MSANTD7: variants seen among roughly 807,000 people sequenced by gnomAD.
The protein encoded by MSANTD7 is Myb/SANT DNA binding domain containing 7, also known as zinc finger and SCAN domain containing 29.
At chr10:14,844,680 G>A in the MSANTD7 span, 3 of 975,192 alleles carry the variant, frequency 3.1e-6, no homozygotes, top group Non-Finnish European at 3.7e-6. Context: ...GGTTTATATC[G>A]ATAATCTTCA....
chr10:14,843,416 T>C, the MSANTD7 span: 1 of 1,550,882 alleles, frequency 6.4e-7, no homozygotes, highest in Non-Finnish European at 8.7e-7. Context: ...CACAGCCTTT[T>C]CAGAGGTGCA....
chr10:14,839,806 GT>G, the MSANTD7 span: 1 of 755,266 alleles, frequency 1.3e-6, no homozygotes, highest in Non-Finnish European at 2.1e-6. Flanking sequence ...TGAGATAGCA[GT>G]TTTTCTTTCC....
the MSANTD7 span, chr10:14,838,352 G>A: frequency 6.5e-7 from 1 of 1,549,416 alleles, no homozygotes. Flanking sequence ...GCCGGTAGCT[G>A]TTGCTGTTGG....
chr10:14,838,478 G>A, the MSANTD7 span: 7 of 1,589,904 alleles, frequency 4.4e-6, no homozygotes, highest in Non-Finnish European at 6.0e-6. Flanking sequence ...CTGCGGAGCT[G>A]GGCTAGGGCT....
chr10:14,844,384 A>G, the MSANTD7 span: 1 of 999,834 alleles, frequency 1.0e-6, no homozygotes, highest in South Asian at 4.2e-5. Context: ...GTATGGATAT[A>G]TACTGTGACT....
At chr10:14,841,557 A>T in the MSANTD7 span, among the ~76,000 whole-genome samples, 2 of 152,192 alleles carry the variant, frequency 1.3e-5, no homozygotes, top group Non-Finnish European at 2.9e-5. Flanking sequence ...TATAGTCCAG[A>T]TACAGAACAT....
the MSANTD7 span, chr10:14,846,038 T>C: frequency 1.9e-5 from 18 of 961,766 alleles, no homozygotes; most frequent in Non-Finnish European, 2.2e-5. Context: ...GAAATACTGG[T>C]AACAATTTTA....
chr10:14,843,634 G>C, the MSANTD7 span: 5 of 1,550,384 alleles, frequency 3.2e-6, no homozygotes, highest in East Asian at 2.4e-5. Flanking sequence ...AAGGCGGTCA[G>C]TGGCCAGGAC....
the MSANTD7 span, chr10:14,844,528 A>G: frequency 2.0e-6 from 2 of 987,168 alleles, no homozygotes; most frequent in Non-Finnish European, 2.4e-6. Flanking sequence ...AATCTCTTAC[A>G]TTTCCACTGC....
chr10:14,844,091 A>G, the MSANTD7 span: 5 of 1,409,756 alleles, frequency 3.5e-6, no homozygotes, highest in Non-Finnish European at 4.6e-6. Context: ...CAGAAATGCC[A>G]GGGGTGACCT....
the MSANTD7 span, chr10:14,843,459 A>T: frequency 6.4e-7 from 1 of 1,550,628 alleles, no homozygotes; most frequent in South Asian, 1.2e-5. Context: ...CCATGGCCAG[A>T]CTGGGTGTGT....
At chr10:14,843,604 CCAAGGTGGG>C in the MSANTD7 span, 1 of 1,550,506 alleles carries the variant, frequency 6.4e-7, no homozygotes, top group Non-Finnish European at 8.7e-7. Context: ...TGAGCCCCCT[CCAAGGTGGG>C]CAAGGCGAAG....
chr10:14,846,050 G>A, the MSANTD7 span: 1,231 of 971,708 alleles, frequency 1.3e-3, 13 homozygotes, highest in African/African-American at 0.02. Flanking sequence ...ACAATTTTAA[G>A]GTAGCATTCT....
chr10:14,846,930 A>G, the MSANTD7 span: 14 of 985,346 alleles, frequency 1.4e-5, no homozygotes, highest in African/African-American at 2.3e-4. Context: ...ATGTATACCA[A>G]CTTCTCACCA....
At chr10:14,845,177 T>A in the MSANTD7 span, 13 of 985,348 alleles carry the variant, frequency 1.3e-5, no homozygotes, top group Admixed American at 8.0e-4. Context: ...TCCGATTTAC[T>A]CTAGAAGGGA....
the MSANTD7 span, chr10:14,842,628 C>A: frequency 3.3e-6 from 5 of 1,536,196 alleles, no homozygotes. This position sits in a 1 kb window ranked among gnomAD's most constrained non-coding sequence, Gnocchi z 5.2. Context: ...ATGGAGGATG[C>A]TGCTTGGGCC....
At chr10:14,839,681 C>G in the MSANTD7 span, among the ~76,000 whole-genome samples, 1 of 151,972 alleles carries the variant, frequency 6.6e-6, no homozygotes, top group Non-Finnish European at 1.5e-5. Flanking sequence ...ACTTTTGATT[C>G]AATTGTTGAC....
the MSANTD7 span, chr10:14,842,170 T>C: frequency 6.5e-7 from 1 of 1,534,952 alleles, no homozygotes; most frequent in Non-Finnish European, 8.7e-7. The surrounding 1 kb of genome is among the most constrained non-coding windows in gnomAD (Gnocchi z 5.2). Context: ...TTCTCAGCAA[T>C]TATCCCTGAG....
the MSANTD7 span, chr10:14,843,548 C>A: frequency 1.7e-5 from 27 of 1,550,596 alleles, no homozygotes; most frequent in East Asian, 5.6e-4. Context: ...CCAGTCTCCT[C>A]TTCGAGAGCT....
Sources: gnomAD v4.1 joint callset for allele counts (sites outside exome capture counted in the v4.1 genomes callset) on GRCh38, gnomAD v4.1.1 for gene constraint, Gnocchi (gnomAD v3.1) non-coding constraint, MANE v1.5 for transcripts, NCBI Gene and HGNC (gene_info 2026-07-23, HGNC 2026-07-21) for gene names.